CADM1: variants seen among roughly 807,000 people sequenced by gnomAD.
The protein encoded by CADM1 is TSLC-1.
Under a neutral mutation model 53.1 loss-of-function variants are expected in CADM1, and 15 were observed. The ratio of observed to expected loss-of-function variants is 0.28; its 90% confidence interval spans 0.19 to 0.44. The LOEUF (loss-of-function observed/expected upper bound fraction) is 0.44. CADM1 is among the 20% of genes least tolerant of loss of function. The pLI, the probability that CADM1 is intolerant of heterozygous loss-of-function variation, is 1.00. For synonymous variants in CADM1, 281 were observed against 243.0 expected (o/e 1.16, Z -1.45); for missense variants, 434 against 611.3 (o/e 0.71, Z 3.06).
intron 1 of CADM1, among the ~76,000 whole-genome samples, chr11:115,309,648 G>T (rs1430609506): frequency 3.3e-5 from 5 of 152,040 alleles, no homozygotes. Context: ...AAGCAGTGAG[G>T]TTTGCATCTA....
At chr11:115,340,659 T>TATATATATATATA (rs1555069295) in intron 1 of CADM1, among the ~76,000 whole-genome samples, 9 of 16,506 alleles carry the variant, frequency 5.5e-4, no homozygotes, top group African/African-American at 1.4e-3. Flanking sequence ...TATATATATA[T>TATATATATATATA]TTTTTTTTTT....
intron 1 of CADM1, among the ~76,000 whole-genome samples, chr11:115,450,690 T>C (rs1318649217): frequency 1.3e-5 from 2 of 152,238 alleles, no homozygotes; most frequent in South Asian, 2.1e-4. Flanking sequence ...AATAAAATTA[T>C]GCTCAAGTTC....
At chr11:115,229,834 T>C (rs1025557951) in intron 4 of CADM1, among the ~76,000 whole-genome samples, 2 of 152,162 alleles carry the variant, frequency 1.3e-5, no homozygotes, top group African/African-American at 4.8e-5. Context: ...GAAATTGTAA[T>C]TGAAATGTTT....
chr11:115,364,713 T>C (rs1385657142), intron 1 of CADM1, among the ~76,000 whole-genome samples: 2 of 152,204 alleles, frequency 1.3e-5, no homozygotes, highest in African/African-American at 2.4e-5. Flanking sequence ...GTTTCACCTC[T>C]GCAATTTTAT....
At chr11:115,494,133 T>C (rs968250823) in intron 1 of CADM1, among the ~76,000 whole-genome samples, 3 of 152,130 alleles carry the variant, frequency 2.0e-5, no homozygotes, top group Admixed American at 6.5e-5. Flanking sequence ...GTATACATTA[T>C]TGAGAGAGAG....
intron 1 of CADM1, among the ~76,000 whole-genome samples, chr11:115,432,521 A>T (rs1948082079): frequency 6.6e-6 from 1 of 152,198 alleles, no homozygotes; most frequent in Non-Finnish European, 1.5e-5. Flanking sequence ...CTGGCTGTAG[A>T]CTGCTGATCA....
At position 115,465,922 on chromosome 11, in the gene CADM1, A is replaced by G. The variant is rs1306182163; in HGVS notation, c.124+38349T>C. ...ATAATAGAATTCTGCTAAAATGGAT[A>G]ACAAGTAATTTACAGACTTCTAGTT... On this transcript the variant is annotated intron_variant, in intron 1 of 11. Transcript: ENST00000331581. Among the ~76,000 whole-genome samples the G allele has an allele frequency of 2.0e-5, 3 of 152,192 alleles. No homozygotes were observed. The East Asian group carries it at 5.8e-4, about 29-fold the overall frequency.
intron 1 of CADM1, among the ~76,000 whole-genome samples, chr11:115,283,246 A>G (rs1056458253): frequency 2.0e-5 from 3 of 152,204 alleles, no homozygotes; most frequent in Non-Finnish European, 4.4e-5. Flanking sequence ...AGGTGATGGT[A>G]GATCTGTGCC....
chr11:115,401,988 C>G (rs1367029642), intron 1 of CADM1, among the ~76,000 whole-genome samples: 1 of 151,402 alleles, frequency 6.6e-6, no homozygotes, highest in African/African-American at 2.4e-5. Context: ...AGCCCAACAC[C>G]CCCACAAAAA....
chr11:115,253,994 A>T (rs1160871434), intron 1 of CADM1, among the ~76,000 whole-genome samples: 1 of 152,228 alleles, frequency 6.6e-6, no homozygotes, highest in Non-Finnish European at 1.5e-5. Flanking sequence ...CACACATAAT[A>T]ATGGGTATGA....
intron 1 of CADM1, among the ~76,000 whole-genome samples, chr11:115,283,528 TTTA>T (rs1429154515): frequency 6.6e-6 from 1 of 152,134 alleles, no homozygotes; most frequent in African/African-American, 2.4e-5. Context: ...TCAGTGAGTG[TTTA>T]CTGAGTATTT....
chr11:115,351,753 C>G (rs1027055248), intron 1 of CADM1, among the ~76,000 whole-genome samples: 16 of 152,164 alleles, frequency 1.1e-4, no homozygotes, highest in Non-Finnish European at 1.9e-4. Context: ...TAAAACCTAA[C>G]CAGCATGCTC....
At chr11:115,308,192 G>GTATATATATATATATATATA (rs1387092815) in intron 1 of CADM1, among the ~76,000 whole-genome samples, 5 of 70,494 alleles carry the variant, frequency 7.1e-5, no homozygotes, top group African/African-American at 1.9e-4. Flanking sequence ...ACTCATAGGT[G>GTATATATATATATATATATA]TGTATATATA....
At chr11:115,372,042 C>T (rs142435356) in intron 1 of CADM1, among the ~76,000 whole-genome samples, 1 of 152,148 alleles carries the variant, frequency 6.6e-6, no homozygotes, top group Non-Finnish European at 1.5e-5. Flanking sequence ...AAGAAAAATG[C>T]TCATTTGAAG....
rs566671370 is a variant in CADM1 at position 115,187,696 on chromosome 11, G to A, written c.1165+3192C>T. Among the ~76,000 whole-genome samples, 22 of 152,178 alleles carry A rather than the reference G, an allele frequency of 1.4e-4. 1 individual carries two copies. The Middle Eastern group carries it at 0.01, about 71-fold the overall frequency. On this transcript the variant is annotated intron_variant, in intron 10 of 11. Coordinates refer to ENST00000331581, the MANE Select transcript of CADM1 (RefSeq NM_001301043.2). ...CCTCAAGTGATCCACCCGTCTCAGC[G>A]TCCCAAAGTGCTGGGATTACAGGTG...
chr11:115,284,233 A>G (rs17118198), intron 1 of CADM1, among the ~76,000 whole-genome samples: 2,161 of 151,770 alleles, frequency 0.014, 55 homozygotes, highest in African/African-American at 0.048. Flanking sequence ...GCTCCTAGAA[A>G]TGGGTCAATT....
At chr11:115,447,431 C>T (rs148956011) in intron 1 of CADM1, among the ~76,000 whole-genome samples, 2 of 152,242 alleles carry the variant, frequency 1.3e-5, no homozygotes, top group Non-Finnish European at 2.9e-5. Context: ...ACTTCTGTGC[C>T]CATCATCAGT....
intron 1 of CADM1, among the ~76,000 whole-genome samples, chr11:115,484,946 CA>C (rs113318647): frequency 0.017 from 1,556 of 91,758 alleles, 8 homozygotes; most frequent in Middle Eastern, 0.071. Flanking sequence ...GACTCTGTCT[CA>C]AAAAAAAAAA....
intron 1 of CADM1, among the ~76,000 whole-genome samples, chr11:115,495,314 T>A (rs954552350): frequency 6.6e-6 from 1 of 152,182 alleles, no homozygotes; most frequent in Non-Finnish European, 1.5e-5. Context: ...CAAATAAATA[T>A]ATACCACATA....
Sources: gnomAD v4.1 joint callset for allele counts (sites outside exome capture counted in the v4.1 genomes callset) on GRCh38, gnomAD v4.1.1 for gene constraint, MANE v1.5 for transcripts, NCBI Gene and HGNC (gene_info 2026-07-23, HGNC 2026-07-21) for gene names.